The following DLGAP2 variants were observed in gnomAD, a reference collection of about 807,000 sequenced individuals.
DLGAP2 encodes the protein disks large-associated protein 2.
In DLGAP2, 26 loss-of-function variants were observed where a neutral mutation model predicts 100.3. The ratio of observed to expected loss-of-function variants is 0.26; its 90% CI spans 0.19 to 0.36. The LOEUF (loss-of-function observed/expected upper bound fraction) is 0.36. Among genes scored for constraint, DLGAP2 ranks in the 10% least tolerant of loss-of-function variants. The pLI, the probability that DLGAP2 is intolerant of heterozygous loss-of-function variation, is 1.00. For missense variants in DLGAP2, 1,858 were observed against 1,453.2 expected (o/e 1.28, Z -4.53); for synonymous variants, 886 against 630.1 (o/e 1.41, Z -6.08).
rs535161704 is a variant in DLGAP2, at chr8:1,630,286, C to T, written c.1591-2541C>T. ...TAATTGATTGTCCAGCCCTAGGCCA[C>T]GAGACCTGACAATTCTGGAAGGAAG... is the stretch of plus-strand genomic sequence containing the variant. On this transcript the variant is annotated intron_variant, in intron 7 of 14. Transcript: ENST00000637795. Among the ~76,000 whole-genome samples the T allele has an allele frequency of 3.7e-4, 56 of 152,296 alleles. 1 individual carries two copies. Among genetic ancestry groups the T allele is most frequent in the African/African-American group, 1.3e-3 (52 of 41,560 alleles).
chr8:1,077,880 C>G (rs1305929435), intron 2 of DLGAP2, among the ~76,000 whole-genome samples: 1 of 152,218 alleles, frequency 6.6e-6, no homozygotes, highest in African/African-American at 2.4e-5. Flanking sequence ...TCAGCACACG[C>G]CCGTGTGCGT....
chr8:806,862 C>A (rs1424594305), intron 1 of DLGAP2, among the ~76,000 whole-genome samples: 1 of 152,110 alleles, frequency 6.6e-6, no homozygotes, highest in African/African-American at 2.4e-5. Context: ...AAATTATCAC[C>A]GATACAAATG....
intron 2 of DLGAP2, among the ~76,000 whole-genome samples, chr8:1,214,159 C>T (rs1247570634): frequency 6.6e-6 from 1 of 152,182 alleles, no homozygotes; most frequent in African/African-American, 2.4e-5. Flanking sequence ...CACCTCATTC[C>T]CTGCCAGGCC....
At chr8:752,275 C>A (rs1820811146) in intron 1 of DLGAP2, among the ~76,000 whole-genome samples, 1 of 152,202 alleles carries the variant, frequency 6.6e-6, no homozygotes, top group Admixed American at 6.5e-5. Context: ...CAGATAATCC[C>A]CAGGCTGCCG....
intron 8 of DLGAP2, among the ~76,000 whole-genome samples, chr8:1,666,298 G>T (rs1011484340): frequency 6.6e-6 from 1 of 152,208 alleles, no homozygotes; most frequent in Non-Finnish European, 1.5e-5. Flanking sequence ...CTCAGCACCC[G>T]ATTGATTTCA....
chr8:1,250,046 A>G (rs1799003196), intron 2 of DLGAP2, among the ~76,000 whole-genome samples: 1 of 151,974 alleles, frequency 6.6e-6, no homozygotes, highest in African/African-American at 2.4e-5. Context: ...ATACCCGGCT[A>G]ATTTTTGTAT....
intron 3 of DLGAP2, among the ~76,000 whole-genome samples, chr8:1,444,974 G>A (rs1294124412): frequency 3.3e-5 from 5 of 151,210 alleles, no homozygotes; most frequent in Admixed American, 3.3e-4. Context: ...GTTTCACCGT[G>A]TTAGCCAGGA....
At chr8:1,190,733 A>T (rs117260921) in intron 2 of DLGAP2, among the ~76,000 whole-genome samples, 107 of 152,254 alleles carry the variant, frequency 7.0e-4, no homozygotes, top group African/African-American at 2.3e-3. Context: ...ACCTGCCTCA[A>T]TGAAGGTCCT....
At chr8:770,146 C>T (rs1253571510) in intron 1 of DLGAP2, among the ~76,000 whole-genome samples, 4 of 152,094 alleles carry the variant, frequency 2.6e-5, no homozygotes, top group Admixed American at 1.3e-4. Flanking sequence ...ATACATTATC[C>T]CTATTTATTC....
intron 3 of DLGAP2, among the ~76,000 whole-genome samples, chr8:1,265,834 A>T (rs545765897): frequency 6.6e-6 from 1 of 152,354 alleles, no homozygotes; most frequent in East Asian, 1.9e-4. Context: ...TTTAATATAA[A>T]GGTGAATAGA....
At position 1,364,084 on chromosome 8, in the gene DLGAP2, C is replaced by G. The variant is rs564983828; in HGVS notation, c.106+105201C>G. On this transcript the variant is annotated intron_variant, in intron 3 of 14. Coordinates refer to ENST00000637795, the MANE Select transcript of DLGAP2 (RefSeq NM_001346810.2). ...ACTCCTGCCGCCTTCAGGTGCAGACCCCACCTTTGGGATAACACAGCTCTC... is the reference window on the plus strand; with the variant it reads ...ACTCCTGCCGCCTTCAGGTGCAGACGCCACCTTTGGGATAACACAGCTCTC... Among the ~76,000 whole-genome samples the G allele has an allele frequency of 2.9e-3, 441 of 152,256 alleles. 2 individuals are homozygous for G. Among genetic ancestry groups the G allele is most frequent in the Non-Finnish European group, 5.0e-3 (338 of 68,004 alleles).
chr8:891,845 G>A (rs1192224829), intron 1 of DLGAP2, among the ~76,000 whole-genome samples: 2 of 152,152 alleles, frequency 1.3e-5, no homozygotes, highest in African/African-American at 4.8e-5. Flanking sequence ...CCAGCCAGCC[G>A]AGGAGGGGGA....
At chr8:1,376,622 G>A (rs982957351) in intron 3 of DLGAP2, among the ~76,000 whole-genome samples, 1 of 152,188 alleles carries the variant, frequency 6.6e-6, no homozygotes, top group East Asian at 1.9e-4. Context: ...TGACAGGGAC[G>A]TGCCAGCTCA....
intron 13 of DLGAP2, among the ~76,000 whole-genome samples, chr8:1,694,103 C>T (rs1799320143): frequency 6.6e-6 from 1 of 152,192 alleles, no homozygotes; most frequent in African/African-American, 2.4e-5. Flanking sequence ...TAAAATTGTT[C>T]ATCCTAATAT....
chr8:1,145,770 C>A (rs1218747429), intron 2 of DLGAP2, among the ~76,000 whole-genome samples: 2 of 133,546 alleles, frequency 1.5e-5, no homozygotes, highest in African/African-American at 5.9e-5. Flanking sequence ...CCCCTCCCCC[C>A]ACCCCACAAT....
intron 1 of DLGAP2, among the ~76,000 whole-genome samples, chr8:782,403 T>C (rs1387469549): frequency 6.6e-6 from 1 of 152,162 alleles, no homozygotes; most frequent in Admixed American, 6.5e-5. Flanking sequence ...TAATACATAC[T>C]CTCTCACTAG....
At chr8:1,325,371 T>C (rs1420983802) in intron 3 of DLGAP2, among the ~76,000 whole-genome samples, 1 of 152,296 alleles carries the variant, frequency 6.6e-6, no homozygotes, top group Non-Finnish European at 1.5e-5. Flanking sequence ...GCAGGGGGCG[T>C]CCTCCCACCT....
rs998921021 is a variant in DLGAP2, at chr8:851,458, G to T, written c.19-56454G>T. ...GGTGCTGCTATTTCCCTGCTACTAGGTAATTTAAAATAATGTGTTAATAGG... is the reference window on the plus strand; with the variant it reads ...GGTGCTGCTATTTCCCTGCTACTAGTTAATTTAAAATAATGTGTTAATAGG... On this transcript the variant is annotated intron_variant, in intron 1 of 14. Transcript: ENST00000637795. 1.2e-4 allele frequency among the ~76,000 whole-genome samples: 19 copies of T among 152,258 alleles called. No homozygotes were observed. In the Middle Eastern group the frequency reaches 0.01, roughly 82 times the overall value.
chr8:1,549,438 G>T lies in DLGAP2; in HGVS notation c.985G>T (p.Asp329Tyr). 6.2e-7 allele frequency: 1 copy of T among 1,613,444 alleles called. No individual in the cohort carries two copies. The highest frequency in any genetic ancestry group is 8.5e-7 in the Non-Finnish European group (1 of 1,179,774). ...GGGCCCCGTGGCCCACTGCTACCCC[G>T]ACGCGCTGCAGAGCCCCTTCGGGGA... ...HLGPVAHCYP[D>Y]ALQSPFGDLS... The change falls in exon 5 of 15, where the codon GAC becomes TAC. Residue 329 changes from aspartate to tyrosine, a missense_variant. By Grantham distance (160) the Asp-to-Tyr change is radical (BLOSUM62 -3). Transcript: ENST00000637795.
Sources: gnomAD v4.1 joint callset for allele counts (sites outside exome capture counted in the v4.1 genomes callset) on GRCh38, gnomAD v4.1.1 for gene constraint, MANE v1.5 for transcripts, NCBI Gene and HGNC (gene_info 2026-07-23, HGNC 2026-07-21) for gene names.